Variants in CHODL observed in about 807,000 individuals in gnomAD.
The protein encoded by CHODL is transmembrane protein MT75.
In CHODL, 29 loss-of-function variants were observed where a neutral mutation model predicts 34.5. That is an observed-to-expected ratio of 0.84 (90% CI 0.63 to 1.15). The LOEUF (loss-of-function observed/expected upper bound fraction) is 1.15. Among genes scored for constraint, CHODL ranks in the 50% most tolerant of loss-of-function variants. The probability of loss-of-function intolerance (pLI) is 0.00; values close to 1 mark genes in which losing one functional copy is unlikely to be tolerated. For synonymous variants in CHODL, 125 were observed against 116.1 expected (o/e 1.08, Z -0.49); for missense variants, 332 against 332.5 (o/e 1.00, Z 0.01).
intron 2 of CHODL, among the ~76,000 whole-genome samples, chr21:18,181,625 C>T (rs2073383434): frequency 6.6e-6 from 1 of 152,146 alleles, no homozygotes; most frequent in Non-Finnish European, 1.5e-5. Flanking sequence ...ATCCTGACCT[C>T]GTGATCCGAC....
intron 2 of CHODL, among the ~76,000 whole-genome samples, chr21:18,125,563 A>T (rs1048538242): frequency 6.6e-6 from 1 of 151,554 alleles, no homozygotes; most frequent in Admixed American, 6.6e-5. Context: ...ATTATTTTTA[A>T]ATTTAATTAA....
intron 2 of CHODL, among the ~76,000 whole-genome samples, chr21:18,039,165 C>T (rs971890757): frequency 4.6e-5 from 7 of 151,620 alleles, no homozygotes; most frequent in Non-Finnish European, 1.5e-5. Context: ...AATGTCAAGT[C>T]TGTACTAACT....
At chr21:18,024,782 T>C (rs2064158216) in intron 1 of CHODL, 1 of 152,212 alleles carries the variant, frequency 6.6e-6, no homozygotes, top group African/African-American at 2.4e-5. Flanking sequence ...TGTAATGCCA[T>C]GGGAGTTTAT....
intron 1 of CHODL, among the ~76,000 whole-genome samples, chr21:18,250,566 A>T (rs1237826041): frequency 6.6e-6 from 1 of 152,030 alleles, no homozygotes; most frequent in Non-Finnish European, 1.5e-5. Flanking sequence ...AGTTTATTAT[A>T]ATAAAACTCT....
intron 1 of CHODL, among the ~76,000 whole-genome samples, chr21:18,252,781 G>A (rs886338449): frequency 6.6e-6 from 1 of 151,972 alleles, no homozygotes; most frequent in Non-Finnish European, 1.5e-5. Context: ...TCAAACTTTA[G>A]AGTTAATAGA....
chr21:18,046,510 A>C (rs1345772533), intron 2 of CHODL, among the ~76,000 whole-genome samples: 1 of 151,906 alleles, frequency 6.6e-6, no homozygotes, highest in Non-Finnish European at 1.5e-5. Flanking sequence ...ATCAAAGATA[A>C]CTTCTGACAT....
chr21:17,923,536 A>T (rs1391324807), intron 1 of CHODL, among the ~76,000 whole-genome samples: 2 of 144,530 alleles, frequency 1.4e-5, no homozygotes, highest in Non-Finnish European at 3.0e-5. Context: ...ATCTCGGCTC[A>T]CTGCAACCTC....
chr21:18,034,170 A>T (rs1172266640), intron 2 of CHODL, among the ~76,000 whole-genome samples: 1 of 152,006 alleles, frequency 6.6e-6, no homozygotes, highest in East Asian at 1.9e-4. Flanking sequence ...ATCTTATAAG[A>T]TGATTTCTAT....
At chr21:17,930,841 A>G (rs2063266657) in intron 1 of CHODL, among the ~76,000 whole-genome samples, 1 of 152,186 alleles carries the variant, frequency 6.6e-6, no homozygotes, top group African/African-American at 2.4e-5. Context: ...CAGTGTTCCT[A>G]CACTGGAGAA....
chr21:18,235,471 A>G (rs961365017), intron 2 of CHODL, among the ~76,000 whole-genome samples: 11 of 152,098 alleles, frequency 7.2e-5, no homozygotes, highest in Non-Finnish European at 1.2e-4. Context: ...GCTGGAGGAG[A>G]CTAAACCTAA....
In CHODL at chr21:18,024,428, T is replaced by C. The variant is rs184538499; in HGVS notation, c.-144-3444T>C. ...GATGAAATAAAAATTCTAAACTGGT[T>C]TATTTAGGATCATATACATATGAAA... is the stretch of plus-strand genomic sequence containing the variant. On this transcript the variant is annotated intron_variant, in intron 1 of 6. Transcript: ENST00000400127. Among the ~76,000 whole-genome samples the C allele has an allele frequency of 2.3e-3, 353 of 152,322 alleles. 1 individual carries two copies. Among genetic ancestry groups the C allele is most frequent in the South Asian group, 5.8e-3 (28 of 4,822 alleles).
intron 2 of CHODL, among the ~76,000 whole-genome samples, chr21:18,209,026 C>A (rs1328910110): frequency 6.6e-6 from 1 of 152,142 alleles, no homozygotes; most frequent in Non-Finnish European, 1.5e-5. Flanking sequence ...TGCCTGTCTA[C>A]TGCCTATGTT....
At chr21:17,932,944 G>A (rs954281673) in intron 1 of CHODL, among the ~76,000 whole-genome samples, 1 of 152,176 alleles carries the variant, frequency 6.6e-6, no homozygotes, top group Non-Finnish European at 1.5e-5. Flanking sequence ...AGGGTCATAG[G>A]ATAATAGTGG....
intron 1 of CHODL, chr21:18,246,019 A>C (rs2074137368): frequency 1.6e-6 from 2 of 1,267,434 alleles, no homozygotes; most frequent in East Asian, 2.5e-5. Flanking sequence ...AATCGATCAA[A>C]ATTGGCAAGC....
At chr21:18,245,759 A>C (rs1181756842) in intron 1 of CHODL, 70 of 645,510 alleles carry the variant, frequency 1.1e-4, no homozygotes, top group Non-Finnish European at 1.6e-5. Context: ...GCTTTCTGTG[A>C]CCAGATCAGT....
At chr21:18,216,431 T>C (rs2073828791) in intron 2 of CHODL, among the ~76,000 whole-genome samples, 1 of 152,196 alleles carries the variant, frequency 6.6e-6, no homozygotes, top group Non-Finnish European at 1.5e-5. Context: ...CTTCATTTAT[T>C]CTTCCCCATT....
intron 2 of CHODL, among the ~76,000 whole-genome samples, chr21:18,118,550 G>A (rs1234172183): frequency 6.6e-6 from 1 of 152,118 alleles, no homozygotes; most frequent in African/African-American, 2.4e-5. Context: ...AGCCAATACT[G>A]TAATGTTTCT....
chr21:17,988,536 T>C (rs2063772356), intron 1 of CHODL, among the ~76,000 whole-genome samples: 1 of 121,116 alleles, frequency 8.3e-6, no homozygotes, highest in Non-Finnish European at 1.8e-5. Context: ...CTCCTAAAGC[T>C]ATCCCTCCCC....
At chr21:18,221,255 T>A (rs1455309857) in intron 2 of CHODL, among the ~76,000 whole-genome samples, 1 of 152,160 alleles carries the variant, frequency 6.6e-6, no homozygotes, top group Non-Finnish European at 1.5e-5. Flanking sequence ...TTTTTATATC[T>A]CTTTATTGAA....
Sources: gnomAD v4.1 joint callset for allele counts (sites outside exome capture counted in the v4.1 genomes callset) on GRCh38, gnomAD v4.1.1 for gene constraint, MANE v1.5 for transcripts, NCBI Gene and HGNC (gene_info 2026-07-23, HGNC 2026-07-21) for gene names.